CDKN2B-AS1: variants seen among roughly 807,000 people sequenced by gnomAD.
CDKN2B-AS1 encodes CDKN2B and CDKN2A antisense cis and trans regulatory RNA 1, also known as CDKN2B antisense RNA 1 (non-protein coding).
intron 4 of CDKN2B-AS1, among the ~76,000 whole-genome samples, chr9:22,065,940 G>A (rs1824017747): frequency 6.6e-6 from 1 of 152,050 alleles, no homozygotes. Context: ...GTGACCTTTT[G>A]GCTTCAGGTA....
intron 4 of CDKN2B-AS1, chr9:22,096,401 C>G (rs538222210): frequency 6.6e-6 from 1 of 152,324 alleles, no homozygotes; most frequent in South Asian, 2.1e-4. Context: ...GAGAAACAGA[C>G]ATGCTCCCTC....
chr9:22,081,722 T>C (rs1270013935), intron 4 of CDKN2B-AS1, among the ~76,000 whole-genome samples: 2 of 152,136 alleles, frequency 1.3e-5, no homozygotes, highest in Admixed American at 6.5e-5. Context: ...CTTGAAAAAA[T>C]CTCTGACACT....
At chr9:22,073,341 C>T (rs1482889625) in intron 4 of CDKN2B-AS1, among the ~76,000 whole-genome samples, 1 of 152,146 alleles carries the variant, frequency 6.6e-6, no homozygotes, top group Non-Finnish European at 1.5e-5. Context: ...TGTGTCCAAC[C>T]ATAACTGACC....
chr9:22,126,818 C>T (rs966633198), intron 4 of CDKN2B-AS1, among the ~76,000 whole-genome samples: 3 of 151,990 alleles, frequency 2.0e-5, no homozygotes, highest in African/African-American at 7.3e-5. Flanking sequence ...GTGATCAGCC[C>T]GCCTCGGCCT....
chr9:22,057,446 C>T (rs964766556), intron 4 of CDKN2B-AS1, among the ~76,000 whole-genome samples: 1 of 152,110 alleles, frequency 6.6e-6, no homozygotes, highest in African/African-American at 2.4e-5. Context: ...AAGGTAGATG[C>T]AGCATCTAGT....
chr9:22,073,286 C>T (rs1358332849), intron 4 of CDKN2B-AS1, among the ~76,000 whole-genome samples: 2 of 152,132 alleles, frequency 1.3e-5, no homozygotes, highest in African/African-American at 4.8e-5. Context: ...AGAACTGTTA[C>T]TGTTTAGAGC....
intron 4 of CDKN2B-AS1, among the ~76,000 whole-genome samples, chr9:22,071,418 G>C (rs780846002): frequency 6.8e-6 from 1 of 148,022 alleles, no homozygotes; most frequent in Non-Finnish European, 1.5e-5. Context: ...CTAAGTATAC[G>C]AGTACCTAGA....
intron 1 of CDKN2B-AS1, among the ~76,000 whole-genome samples, chr9:22,035,204 C>A (rs1316045430): frequency 6.6e-6 from 1 of 151,830 alleles, no homozygotes; most frequent in African/African-American, 2.4e-5. Flanking sequence ...ATAAGTGCTG[C>A]TGAGGGCAGC....
chr9:22,112,520 A>G (rs1825828450), intron 4 of CDKN2B-AS1: 1 of 152,198 alleles, frequency 6.6e-6, no homozygotes, highest in South Asian at 2.1e-4. Flanking sequence ...GGCTGACTAT[A>G]TAAAAACATG....
intron 4 of CDKN2B-AS1, among the ~76,000 whole-genome samples, chr9:22,115,021 T>C (rs1825909419): frequency 1.3e-5 from 2 of 152,144 alleles, no homozygotes; most frequent in African/African-American, 2.4e-5. Context: ...GAAATGTTAT[T>C]GTAGTATTTG....
intron 4 of CDKN2B-AS1, among the ~76,000 whole-genome samples, chr9:22,102,000 T>G (rs955570979): frequency 2.0e-5 from 3 of 152,150 alleles, no homozygotes; most frequent in Admixed American, 6.5e-5. Flanking sequence ...CTGCCTATGG[T>G]CATAACTCAG....
rs577198840 is a variant in CDKN2B-AS1 at position 22,015,791 on chromosome 9, C to T, written n.29+20630C>T. Among the ~76,000 whole-genome samples the T allele has an allele frequency of 1.7e-3, 252 of 152,320 alleles. 5 individuals carry two copies. Among genetic ancestry groups the T allele is most frequent in the African/African-American group, 5.8e-3 (242 of 41,554 alleles). ...GACTGTTTAATGATTGCCATTCTAA[C>T]TGGTGTGAGATGGTATCTCATTGTG... On this transcript the variant is annotated intron_variant and non_coding_transcript_variant, in intron 1 of 4. Transcript: ENST00000650946.
chr9:22,082,227 T>G (rs1824724382), intron 4 of CDKN2B-AS1, among the ~76,000 whole-genome samples: 2 of 152,248 alleles, frequency 1.3e-5, no homozygotes, highest in Non-Finnish European at 2.9e-5. Context: ...TCTGCTGGTC[T>G]GCTAGTTATA....
At chr9:22,097,239 A>G (rs1186318958) in intron 4 of CDKN2B-AS1, 2 of 152,178 alleles carry the variant, frequency 1.3e-5, no homozygotes, top group Non-Finnish European at 2.9e-5. Flanking sequence ...TCCCCTAACT[A>G]GTCTGTTTCC....
At chr9:22,059,490 G>T (rs559088266) in intron 4 of CDKN2B-AS1, among the ~76,000 whole-genome samples, 2 of 152,304 alleles carry the variant, frequency 1.3e-5, no homozygotes, top group South Asian at 2.1e-4. Context: ...GGGCAGCTCC[G>T]TCCCTGTGGC....
chr9:22,012,425 T>A, intron 1 of CDKN2B-AS1: 1 of 735,824 alleles, frequency 1.4e-6, no homozygotes, highest in Non-Finnish European at 2.5e-6. Flanking sequence ...GAAATACAGC[T>A]GAAACAAGAT....
At chr9:22,111,742 G>A (rs551770420) in intron 4 of CDKN2B-AS1, among the ~76,000 whole-genome samples, 7 of 152,014 alleles carry the variant, frequency 4.6e-5, no homozygotes, top group African/African-American at 7.2e-5. Context: ...AAAGAAATTC[G>A]AAAGTAGATA....
intron 4 of CDKN2B-AS1, among the ~76,000 whole-genome samples, chr9:22,086,065 A>G (rs546500071): frequency 7.6e-4 from 116 of 152,272 alleles, no homozygotes; most frequent in African/African-American, 2.7e-3. Flanking sequence ...TGCTATTACT[A>G]GATTTATAAA....
intron 4 of CDKN2B-AS1, among the ~76,000 whole-genome samples, chr9:22,089,311 A>G (rs953979465): frequency 1.3e-5 from 2 of 152,250 alleles, no homozygotes; most frequent in African/African-American, 4.8e-5. Context: ...TGAATTGATG[A>G]TATTTATCTG....
Sources: gnomAD v4.1 joint callset for allele counts (sites outside exome capture counted in the v4.1 genomes callset) on GRCh38, gnomAD v4.1.1 for gene constraint, MANE v1.5 for transcripts, NCBI Gene and HGNC (gene_info 2026-07-23, HGNC 2026-07-21) for gene names.